The following MMP26 variants were observed in gnomAD, a reference collection of about 807,000 sequenced individuals.
MMP26 encodes the protein matrix metallopeptidase 26, also known as matrix metalloproteinase-26.
In MMP26, 33 loss-of-function variants were observed where a neutral mutation model predicts 31.0. The observed-to-expected ratio is 1.06, with a 90% CI of 0.81 to 1.42. MMP26 has a LOEUF of 1.42. MMP26 is among the 40% of genes most tolerant of loss of function. MMP26 has a pLI of 0.00. For synonymous variants in MMP26, 122 were observed against 114.9 expected, an observed-to-expected ratio of 1.06 and a Z score of -0.40; for missense variants, 347 against 316.1, an observed-to-expected ratio of 1.10 and a Z score of -0.74.
At chr11:4,900,932 C>T (rs1346568473) in intron 2 of MMP26, among the ~76,000 whole-genome samples, 1 of 152,070 alleles carries the variant, frequency 6.6e-6, no homozygotes, top group Non-Finnish European at 1.5e-5. Flanking sequence ...CTCCTAAGTA[C>T]TATCTTTCAA....
At chr11:4,935,250 A>G (rs12281630) in intron 2 of MMP26, among the ~76,000 whole-genome samples, 2 of 150,302 alleles carry the variant, frequency 1.3e-5, no homozygotes, top group Admixed American at 6.6e-5. Flanking sequence ...CTTTTATTTC[A>G]TTGAGCAGTG....
chr11:4,759,309 T>C (rs1425820223), intron 1 of MMP26, among the ~76,000 whole-genome samples: 3 of 152,100 alleles, frequency 2.0e-5, no homozygotes, highest in Non-Finnish European at 4.4e-5. Flanking sequence ...CTGGCACAGT[T>C]GTGTCACGGA....
intron 2 of MMP26, among the ~76,000 whole-genome samples, chr11:4,862,270 C>T (rs1456310181): frequency 6.6e-6 from 1 of 152,060 alleles, no homozygotes; most frequent in African/African-American, 2.4e-5. Context: ...GTTTAATGTC[C>T]ATCTCTCCTA....
chr11:4,726,242 C>A (rs1230024022), intron 1 of MMP26, among the ~76,000 whole-genome samples: 2 of 151,970 alleles, frequency 1.3e-5, no homozygotes. Context: ...TTTGGGAGAC[C>A]GAGGAGAATG....
At chr11:4,757,256 A>G (rs530097942) in intron 1 of MMP26, among the ~76,000 whole-genome samples, 1 of 152,014 alleles carries the variant, frequency 6.6e-6, no homozygotes, top group East Asian at 1.9e-4. Flanking sequence ...AAATGGTGCT[A>G]GAACAATTAA....
chr11:4,824,768 T>C (rs1849558857), intron 2 of MMP26, among the ~76,000 whole-genome samples: 1 of 152,154 alleles, frequency 6.6e-6, no homozygotes, highest in South Asian at 2.1e-4. Context: ...AACAACCGTC[T>C]CAGTAGTGCA....
chr11:4,927,373 G>GA (rs1209567109), intron 2 of MMP26, among the ~76,000 whole-genome samples: 2 of 152,120 alleles, frequency 1.3e-5, no homozygotes, highest in Admixed American at 1.3e-4. Context: ...TGAATGAAGA[G>GA]AAAAGAGATG....
At chr11:4,786,863 G>A (rs1374592320) in intron 2 of MMP26, 1 of 152,370 alleles carries the variant, frequency 6.6e-6, no homozygotes, top group Non-Finnish European at 1.5e-5. Flanking sequence ...TTCCTTCTGA[G>A]CACAGTTGCT....
intron 2 of MMP26, among the ~76,000 whole-genome samples, chr11:4,817,678 T>A (rs1017398365): frequency 6.6e-6 from 1 of 152,192 alleles, no homozygotes; most frequent in Non-Finnish European, 1.5e-5. Flanking sequence ...ATTTAAAATA[T>A]TATAAAGATA....
intron 2 of MMP26, chr11:4,923,877 C>T (rs781104447): frequency 1.2e-6 from 2 of 1,613,888 alleles, no homozygotes; most frequent in Non-Finnish European, 1.7e-6. Context: ...ATGAGGAGAG[C>T]ACTTCTAAGC....
At chr11:4,964,925 G>A (rs1846571677) in intron 2 of MMP26, among the ~76,000 whole-genome samples, 1 of 152,120 alleles carries the variant, frequency 6.6e-6, no homozygotes, top group Admixed American at 6.6e-5. Flanking sequence ...TGGAGAGTTG[G>A]GGGTTGAGAG....
intron 2 of MMP26, among the ~76,000 whole-genome samples, chr11:4,941,777 G>C (rs1236790948): frequency 1.5e-5 from 1 of 67,766 alleles, no homozygotes; most frequent in African/African-American, 5.0e-5. Flanking sequence ...ACTGTTTGCT[G>C]CAGGTTCTTT....
At chr11:4,924,035 TGAG>T (rs1564808156) in intron 2 of MMP26, 1 of 1,614,074 alleles carries the variant, frequency 6.2e-7, no homozygotes, top group East Asian at 2.2e-5. Flanking sequence ...GAAGAAGAGC[TGAG>T]TGAAACAGGC....
chr11:4,892,414 T>C (rs1009168223), intron 2 of MMP26, among the ~76,000 whole-genome samples: 1 of 152,166 alleles, frequency 6.6e-6, no homozygotes, highest in Admixed American at 6.5e-5. Flanking sequence ...GTATCCCTAC[T>C]ATAATTTGCA....
chr11:4,954,462 A>G (rs1846407666), intron 2 of MMP26, among the ~76,000 whole-genome samples: 1 of 120,674 alleles, frequency 8.3e-6, no homozygotes. Context: ...AATGTAGATA[A>G]CGAGGAATCC....
At chr11:4,809,255 A>T (rs530596383) in intron 2 of MMP26, among the ~76,000 whole-genome samples, 7 of 152,330 alleles carry the variant, frequency 4.6e-5, no homozygotes, top group African/African-American at 1.4e-4. Context: ...ATTTTCAAAC[A>T]CTATAACTAA....
chr11:4,966,781 G>A (rs1368872312), intron 2 of MMP26, among the ~76,000 whole-genome samples: 2 of 152,126 alleles, frequency 1.3e-5, no homozygotes, highest in Non-Finnish European at 2.9e-5. Context: ...TTGAGACTTT[G>A]TAGTCAAGGA....
intron 2 of MMP26, among the ~76,000 whole-genome samples, chr11:4,969,930 C>T (rs774463030): frequency 4.9e-4 from 74 of 152,110 alleles, no homozygotes; most frequent in Non-Finnish European, 6.9e-4. Flanking sequence ...AGGAATATTT[C>T]ATTTACAGGC....
intron 2 of MMP26, chr11:4,946,311 G>T: frequency 6.2e-7 from 1 of 1,613,820 alleles, no homozygotes; most frequent in Non-Finnish European, 8.5e-7. Flanking sequence ...CGGGCAAAGC[G>T]GTGGACAACG....
Sources: allele counts gnomAD v4.1 joint callset (sites outside exome capture counted in the v4.1 genomes callset), GRCh38; gene constraint gnomAD v4.1.1; transcripts MANE v1.5; gene names NCBI Gene and HGNC (gene_info 2026-07-23, HGNC 2026-07-21).